The following RNF115 variants were observed in gnomAD, a reference collection of about 807,000 sequenced individuals.
RNF115 encodes ring finger protein 115.
A neutral mutation model predicts 39.2 loss-of-function variants in RNF115; 31 were observed. That is an observed-to-expected ratio of 0.79 (90% CI 0.59 to 1.07). The LOEUF (loss-of-function observed/expected upper bound fraction) is 1.07, where lower values mean the gene tolerates loss of function less well. RNF115 is among the 50% of genes least tolerant of loss of function. The probability of loss-of-function intolerance (pLI) is 0.00; values close to 1 mark genes in which losing one functional copy is unlikely to be tolerated. For synonymous variants in RNF115, 124 were observed against 131.0 expected, an observed-to-expected ratio of 0.95 and a Z score of 0.37; for missense variants, 384 against 381.7, an observed-to-expected ratio of 1.01 and a Z score of -0.05.
At chr1:145,775,263 CTACAG>C (rs1553716360) in intron 3 of RNF115, among the ~76,000 whole-genome samples, 3 of 152,002 alleles carry the variant, frequency 2.0e-5, no homozygotes, top group South Asian at 2.1e-4. Flanking sequence ...ACACACATAC[CTACAG>C]TAAAGTTTAA....
intron 1 of RNF115, among the ~76,000 whole-genome samples, chr1:145,814,474 T>C (rs1649889992): frequency 6.6e-6 from 1 of 151,694 alleles, no homozygotes; most frequent in East Asian, 1.9e-4. Context: ...TCCCAGCTAC[T>C]TGGGAGGCTG....
Position 145,746,836 on chromosome 1 carries a change from A to G in RNF115, c.*30T>C. Reference sequence around the variant, plus strand: ...TTACAGCTATGGTAAGATGATTACCACAGCCCTGATTCAGGTGTGGTCTTT... The same window carrying G: ...TTACAGCTATGGTAAGATGATTACCGCAGCCCTGATTCAGGTGTGGTCTTT... On this transcript the variant is annotated 3_prime_UTR_variant, in exon 9 of 9. Coordinates refer to ENST00000582693, the MANE Select transcript of RNF115 (RefSeq NM_014455.4). The G allele has an allele frequency of 6.2e-7, 1 of 1,610,348 alleles. No homozygotes were observed. Among genetic ancestry groups the G allele is most frequent in the Non-Finnish European group, 8.5e-7 (1 of 1,177,538 alleles).
At chr1:145,777,382 T>G (rs1416616137) in intron 3 of RNF115, among the ~76,000 whole-genome samples, 1 of 152,142 alleles carries the variant, frequency 6.6e-6, no homozygotes, top group African/African-American at 2.4e-5. Flanking sequence ...TAAAAACAGC[T>G]TCAACATCAG....
rs376023810 is a variant in RNF115, at chr1:145,746,969, C to T, written c.812G>A (p.Ser271Asn). ...CCGAGTAGAGTCCTCACCATTTAAG[C>T]TCTTCCTACATACAGGACATGTGTC... ...LHDTCPVCRK[S>N]LNGEDSTRQS... Residue 271 changes from serine (S) to asparagine (N), a missense_variant, in exon 9 of 9, where the codon AGC becomes AAC. Coordinates refer to ENST00000582693, the MANE Select transcript of RNF115 (RefSeq NM_014455.4). The T allele has an allele frequency of 1.3e-5, 21 of 1,614,050 alleles. No individual in the cohort carries two copies. The African/African-American group carries it at 1.6e-4, about 12-fold the overall frequency.
At chr1:145,762,617 A>G (rs1324748111) in intron 4 of RNF115, among the ~76,000 whole-genome samples, 2 of 152,138 alleles carry the variant, frequency 1.3e-5, no homozygotes, top group Admixed American at 1.3e-4. Context: ...TCAAGGTGTA[A>G]CTATGGCTAT....
At chr1:145,785,937 T>C (rs1648359806) in intron 2 of RNF115, among the ~76,000 whole-genome samples, 1 of 152,176 alleles carries the variant, frequency 6.6e-6, no homozygotes, top group African/African-American at 2.4e-5. Context: ...AACTACCACA[T>C]ACCATAAAAA....
At chr1:145,787,950 T>C (rs587602944) in intron 2 of RNF115, among the ~76,000 whole-genome samples, 1 of 152,210 alleles carries the variant, frequency 6.6e-6, no homozygotes, top group South Asian at 2.1e-4. Context: ...AAAAGGAATA[T>C]GTAATAGTCA....
chr1:145,802,793 T>C (rs1649306328), intron 1 of RNF115, among the ~76,000 whole-genome samples: 1 of 152,152 alleles, frequency 6.6e-6, no homozygotes, highest in African/African-American at 2.4e-5. Flanking sequence ...AAATTTCTAA[T>C]TAGAAGGATT....
chr1:145,815,940 GGA>G lies in RNF115; in HGVS notation c.102+7830_102+7831del, dbSNP rs1399941620. Among the ~76,000 whole-genome samples the G allele has an allele frequency of 3.5e-5, 5 of 142,730 alleles. No individual in the cohort carries two copies. In the Admixed American group the frequency reaches 3.7e-4, roughly 10 times the overall value. The allele number at this position is 142,730 out of a possible 152,430, so 93.6% of individuals were successfully genotyped here. A position where few individuals can be genotyped will look rare whatever the true frequency, so the allele number is the denominator to read the frequency against. Reference sequence around the variant, plus strand: ...TCCTAAACCAATACTCACTTGGAATGGAGACTTTTTTGAAACCTAACAGAAAA... The same window carrying G: ...TCCTAAACCAATACTCACTTGGAATGGACTTTTTTGAAACCTAACAGAAAA... On this transcript the variant is annotated intron_variant, in intron 1 of 8. Coordinates refer to ENST00000582693, the MANE Select transcript of RNF115 (RefSeq NM_014455.4).
intron 1 of RNF115, 63 bp downstream of exon 1, chr1:145,823,709 T>A (rs183533629): frequency 7.8e-7 from 1 of 1,287,342 alleles, no homozygotes; most frequent in Non-Finnish European, 1.1e-6. Flanking sequence ...CCAGACCCAG[T>A]TCCGGGAAAT....
At chr1:145,747,910 C>G (rs1275580067) in intron 8 of RNF115, 85 bp downstream of exon 8, 16 of 927,158 alleles carry the variant, frequency 1.7e-5, no homozygotes, top group Non-Finnish European at 2.7e-5. Context: ...GGGATAAAAT[C>G]TGATCTACTT....
intron 3 of RNF115, among the ~76,000 whole-genome samples, chr1:145,783,217 G>C (rs1203229476): frequency 6.6e-6 from 1 of 152,130 alleles, no homozygotes; most frequent in Non-Finnish European, 1.5e-5. Context: ...AAATAAAAAT[G>C]CAAGTTCAAA....
intron 1 of RNF115, among the ~76,000 whole-genome samples, chr1:145,792,513 T>A (rs1252106318): frequency 3.3e-5 from 5 of 151,392 alleles, no homozygotes; most frequent in Admixed American, 3.3e-4. Context: ...AAAAAAAAAA[T>A]CCCTCATGTC....
At position 145,823,956 on chromosome 1, in the gene RNF115, C is replaced by A; in HGVS notation, c.-83G>T. The A allele has an allele frequency of 1.0e-6, 1 of 976,230 alleles. No homozygotes were observed. Among genetic ancestry groups the A allele is most frequent in the Non-Finnish European group, 1.4e-6 (1 of 713,070 alleles). The allele number at this position is 976,230 out of a possible 1,614,324, so 60.5% of individuals were successfully genotyped here. A position where few individuals can be genotyped will look rare whatever the true frequency, so the allele number is the denominator to read the frequency against. On this transcript the variant is annotated 5_prime_UTR_variant, in exon 1 of 9. Transcript: ENST00000582693. ...CTACCTCCCGAGCTGCAGTCGTCGC[C>A]GCCGCCGCCGCCTCGGTGCGGCCCA... is the stretch of plus-strand genomic sequence containing the variant.
intron 2 of RNF115, 38 bp from the exon 3 acceptor site, chr1:145,784,634 G>A (rs782460809): frequency 1.1e-5 from 18 of 1,588,774 alleles, no homozygotes; most frequent in East Asian, 1.1e-4. Flanking sequence ...TCTATTCCCA[G>A]GAACAAGCTC....
chr1:145,762,490 T>C (rs1658570039), intron 4 of RNF115, among the ~76,000 whole-genome samples: 1 of 152,164 alleles, frequency 6.6e-6, no homozygotes, highest in Admixed American at 6.5e-5. Flanking sequence ...GAAAGATATA[T>C]ACAATCTATT....
intron 1 of RNF115, among the ~76,000 whole-genome samples, chr1:145,820,779 G>C (rs1274291790): frequency 4.0e-5 from 6 of 151,562 alleles, no homozygotes; most frequent in South Asian, 2.1e-4. Context: ...AAATTGCTAA[G>C]ACAGATTTTA....
chr1:145,791,033 T>C (rs1202371005), intron 1 of RNF115, among the ~76,000 whole-genome samples: 1 of 151,880 alleles, frequency 6.6e-6, no homozygotes, highest in African/African-American at 2.4e-5. Flanking sequence ...TCCCAGTTAC[T>C]TGGGAGGCTG....
At chr1:145,758,941 T>C (rs1438973706) in intron 4 of RNF115, among the ~76,000 whole-genome samples, 5 of 152,180 alleles carry the variant, frequency 3.3e-5, no homozygotes, top group Non-Finnish European at 5.9e-5. Context: ...CTGGGGAAGA[T>C]GTGGAGGGAA....
Sources: gnomAD v4.1 joint callset for allele counts (sites outside exome capture counted in the v4.1 genomes callset) on GRCh38, gnomAD v4.1.1 for gene constraint, MANE v1.5 for transcripts, NCBI Gene and HGNC (gene_info 2026-07-23, HGNC 2026-07-21) for gene names.